Variants in PDZD4 observed in about 807,000 individuals in gnomAD.
The protein encoded by PDZD4 is PDZ domain containing 4.
Under a neutral mutation model 38.5 loss-of-function variants are expected in PDZD4, and 9 were observed. That is an observed-to-expected ratio of 0.23 (90% CI 0.14 to 0.41). The LOEUF (loss-of-function observed/expected upper bound fraction) is 0.41. Among genes scored for constraint, PDZD4 ranks in the 10% least tolerant of loss-of-function variants. PDZD4 has a pLI of 1.00. For missense variants in PDZD4, 612 were observed against 722.0 expected (o/e 0.85, Z 1.75); for synonymous variants, 349 against 315.7 (o/e 1.11, Z -1.12).
At chrX:153,824,074 C>G (rs2064455296) in intron 1 of PDZD4, among the ~76,000 whole-genome samples, 1 of 111,688 alleles carries the variant, frequency 9.0e-6, no homozygotes. Flanking sequence ...ATACATGAAC[C>G]TGGGGAACCA....
intron 1 of PDZD4, among the ~76,000 whole-genome samples, chrX:153,817,433 C>T (rs1438167622): frequency 9.0e-6 from 1 of 111,550 alleles, no homozygotes; most frequent in Non-Finnish European, 1.9e-5. Context: ...ACACCCATCC[C>T]GACATAAAAA....
chrX:153,810,642 C>T (rs373928166), intron 1 of PDZD4, among the ~76,000 whole-genome samples: 1 of 112,556 alleles, frequency 8.9e-6, no homozygotes, highest in Non-Finnish European at 1.9e-5. Context: ...TGCATTCTCA[C>T]GGCGGCACCT....
chrX:153,804,718 A>C lies in PDZD4; in HGVS notation c.963T>G (p.Phe321Leu). 5.9e-6 allele frequency: 7 copies of C among 1,184,302 alleles called. No homozygotes were observed. Among genetic ancestry groups the C allele is most frequent in the Non-Finnish European group, 7.9e-6 (7 of 880,734 alleles). Residue 321 changes from phenylalanine to leucine, a missense_variant, in exon 8 of 8, where the codon TTT (phenylalanine) becomes TTG (leucine). Phe to Leu is a conservative substitution (Grantham distance 22). Coordinates refer to ENST00000393758, the MANE Select transcript of PDZD4 (RefSeq NM_001303512.2). The stretch of plus-strand genomic sequence containing the variant: ...TCTGCAGGGCGTCCCCTTGCAGGCC[A>C]AACTTGCGCAGGCTTCCCGGGGTGT... The part of the protein sequence containing the change: ...STNTPGSLRK[F>L]GLQGDALQSR...
At chrX:153,815,046 C>T (rs1474128641) in intron 1 of PDZD4, among the ~76,000 whole-genome samples, 2 of 113,102 alleles carry the variant, frequency 1.8e-5, no homozygotes, top group African/African-American at 3.2e-5. Flanking sequence ...CACTCCGCTG[C>T]CCCGGGGAGT....
At chrX:153,815,354 C>A (rs1461339043) in intron 1 of PDZD4, among the ~76,000 whole-genome samples, 1 of 112,139 alleles carries the variant, frequency 8.9e-6, no homozygotes, top group Non-Finnish European at 1.9e-5. Context: ...ACACTGAGAG[C>A]ACTCACTGCC....
At chrX:153,821,639 A>G (rs1234024324) in intron 1 of PDZD4, among the ~76,000 whole-genome samples, 1 of 111,201 alleles carries the variant, frequency 9.0e-6, no homozygotes, top group Non-Finnish European at 1.9e-5. Context: ...CCCAGGCCCC[A>G]TGCTAGTGGC....
chrX:153,811,793 G>C (rs962022931), intron 1 of PDZD4, among the ~76,000 whole-genome samples: 6 of 111,850 alleles, frequency 5.4e-5, no homozygotes, highest in African/African-American at 1.9e-4. Flanking sequence ...TTGGTGGAGA[G>C]GCTACAGTTA....
chrX:153,804,582 G>T lies in PDZD4; in HGVS notation c.1099C>A (p.Leu367Met). ...TTCTCCAGGTGGCACTTGATCTCCAGGAGCTCACGGTAGCGCTCATACTCC... is the reference window on the plus strand; with the variant it reads ...TTCTCCAGGTGGCACTTGATCTCCATGAGCTCACGGTAGCGCTCATACTCC... ...DEEYERYREL[L>M]EIKCHLENGN... Residue 367 changes from leucine (L) to methionine (M), a missense_variant, in exon 8 of 8, where the codon CTG (leucine) becomes ATG (methionine). Physicochemically the swap from Leu to Met is conservative, Grantham distance 15. This residue lies in a region of PDZD4 where 300 missense variants were observed against 284.6 expected (regional missense o/e 1.05). Coordinates refer to ENST00000393758, the MANE Select transcript of PDZD4 (RefSeq NM_001303512.2). 1 of 1,209,740 alleles carries T rather than the reference G, an allele frequency of 8.3e-7. No homozygotes were observed.
rs2092205374 is a variant in PDZD4 at position 153,804,885 on chromosome X, C to T, written c.796G>A (p.Glu266Lys). Residue 266 changes from glutamate (E) to lysine (K), a missense_variant, in exon 8 of 8, where the codon GAG (glutamate) becomes AAG (lysine). This residue lies in a region of PDZD4 where 225 missense variants were observed against 311.0 expected (regional missense o/e 0.72). Coordinates refer to ENST00000393758, the MANE Select transcript of PDZD4 (RefSeq NM_001303512.2). ...GGGCCGGCATCGGGAGCCCCCTTCTCCTCTTCGTTTCCGGGCTAGAGCAGA... is the reference window on the plus strand; with the variant it reads ...GGGCCGGCATCGGGAGCCCCCTTCTTCTCTTCGTTTCCGGGCTAGAGCAGA... ...PPAQQPGNEE[E>K]KGAPDAGPGL... The T allele has an allele frequency of 1.7e-6, 2 of 1,208,169 alleles. No homozygotes were observed. Among genetic ancestry groups the T allele is most frequent in the Non-Finnish European group, 2.2e-6 (2 of 893,439 alleles).
chrX:153,823,131 T>G (rs782746029), intron 1 of PDZD4, among the ~76,000 whole-genome samples: 7 of 109,992 alleles, frequency 6.4e-5, no homozygotes, highest in African/African-American at 2.3e-4. Context: ...TGATCTTGGC[T>G]CATGCAACCT....
Position 153,803,807 on chromosome X carries a change from G to A in PDZD4, c.1874C>T (p.Ala625Val). The change falls in exon 8 of 8, where the codon GCA (alanine) becomes GTA (valine). Residue 625 changes from alanine to valine, a missense_variant. Physicochemically the swap from Ala to Val is moderately conservative, Grantham distance 64. Around this residue, in one of 3 missense-constraint regions of PDZD4, gnomAD observed 300 missense variants for 284.6 expected, o/e 1.05. Transcript: ENST00000393758. ...CTTCACTTTCCACTCCATGCGCGGT[G>A]CTTCAGTGGCCGCGGCCGCCACCCC... ...VGGVAAAATE[A>V]PRMEWKVKVR... is the part of the protein sequence containing the mutation. 2.5e-6 allele frequency: 3 copies of A among 1,201,570 alleles called. No homozygotes were observed. The highest frequency in any genetic ancestry group is 3.4e-6 in the Non-Finnish European group (3 of 891,820).
At chrX:153,829,569 G>A (rs1229360861) in intron 1 of PDZD4, 1 of 289,177 alleles carries the variant, frequency 3.5e-6, no homozygotes, top group Non-Finnish European at 4.6e-6. Context: ...GCACAGGCAA[G>A]AAGCCCCGTT....
intron 1 of PDZD4, among the ~76,000 whole-genome samples, chrX:153,826,046 G>A (rs191597796): frequency 2.1e-4 from 23 of 110,492 alleles, no homozygotes; most frequent in African/African-American, 5.9e-4. Context: ...GCAAAAGCTC[G>A]TCTCTGCTAA....
At chrX:153,825,406 G>C (rs1238406549) in intron 1 of PDZD4, among the ~76,000 whole-genome samples, 1 of 112,388 alleles carries the variant, frequency 8.9e-6, no homozygotes, top group Non-Finnish European at 1.9e-5. Flanking sequence ...TATATGACAA[G>C]GGGGCCTGGT....
chrX:153,808,617 G>A (rs1557078083), intron 1 of PDZD4, 22 bp from the exon 2 acceptor site: 3 of 1,134,108 alleles, frequency 2.6e-6, no homozygotes, highest in South Asian at 4.4e-5. Context: ...ACACGCCTCC[G>A]TAAGAACCCT....
At chrX:153,809,429 T>C (rs1249529886) in intron 1 of PDZD4, among the ~76,000 whole-genome samples, 1 of 111,566 alleles carries the variant, frequency 9.0e-6, no homozygotes, top group Non-Finnish European at 1.9e-5. Context: ...CTACTAAAAA[T>C]ACAAAAAATT....
rs1436571735 is a variant in PDZD4, at chrX:153,806,520, T to G, written c.504+222A>C. 2.7e-5 allele frequency among the ~76,000 whole-genome samples: 3 copies of G among 112,750 alleles called. No individual in the cohort carries two copies. The East Asian group carries it at 8.4e-4, about 31-fold the overall frequency. On this transcript the variant is annotated intron_variant, in intron 4 of 7. Transcript: ENST00000393758. Reference sequence around the variant, plus strand: ...GAAGGCTAGACAGCAACCCTGTTGCTAGTTCTCAGGCCCATCTGCTGTCCC... The same window carrying G: ...GAAGGCTAGACAGCAACCCTGTTGCGAGTTCTCAGGCCCATCTGCTGTCCC...
Position 153,804,708 on chromosome X carries a change from C to T in PDZD4, c.973G>A (p.Gly325Arg). ...AAGTCCCGGCTCTGCAGGGCGTCCC[C>T]TTGCAGGCCAAACTTGCGCAGGCTT... ...PGSLRKFGLQGDALQSRDFHF... is the reference protein window; with the variant it reads ...PGSLRKFGLQRDALQSRDFHF... The change falls in exon 8 of 8, where the codon GGG becomes AGG. Residue 325 changes from glycine (G) to arginine (R), a missense_variant. Around this residue, in one of 3 missense-constraint regions of PDZD4, gnomAD observed 225 missense variants for 311.0 expected, o/e 0.72. Transcript: ENST00000393758. 1 of 1,211,279 alleles carries T rather than the reference C, an allele frequency of 8.3e-7. No homozygotes were observed. The highest frequency in any genetic ancestry group is 1.1e-6 in the Non-Finnish European group (1 of 895,548).
intron 1 of PDZD4, among the ~76,000 whole-genome samples, chrX:153,817,186 C>G (rs2064372173): frequency 9.0e-6 from 1 of 111,473 alleles, no homozygotes. Context: ...AGTCTGGTGG[C>G]TCCTCACAAG....
Sources: allele counts gnomAD v4.1 joint callset (sites outside exome capture counted in the v4.1 genomes callset), GRCh38; gene constraint gnomAD v4.1.1; regional missense constraint gnomAD v4.1.1; transcripts MANE v1.5; gene names NCBI Gene and HGNC (gene_info 2026-07-23, HGNC 2026-07-21).